ZNF654: variants seen among roughly 807,000 people sequenced by gnomAD.
ZNF654 encodes melanoma-associated antigen.
In ZNF654, 19 loss-of-function variants were observed where a neutral mutation model predicts 95.3. That is an observed-to-expected ratio of 0.20 (90% CI 0.14 to 0.29). The LOEUF is 0.29. Ranked by LOEUF, ZNF654 falls within the 10% of genes least tolerant of loss-of-function variation. The pLI, the probability that ZNF654 is intolerant of heterozygous loss-of-function variation, is 1.00. For missense variants in ZNF654, 1,046 were observed against 1,341.0 expected, an observed-to-expected ratio of 0.78 and a Z score of 3.44; for synonymous variants, 413 against 457.9, an observed-to-expected ratio of 0.90 and a Z score of 1.25.
At chr3:88,098,489 G>A (rs1704200301) in intron 2 of ZNF654, among the ~76,000 whole-genome samples, 1 of 152,142 alleles carries the variant, frequency 6.6e-6, no homozygotes, top group African/African-American at 2.4e-5. Context: ...TATGAGGCCA[G>A]CATCATCCTG....
At chr3:88,086,813 C>T (rs561772617) in intron 2 of ZNF654, among the ~76,000 whole-genome samples, 3 of 152,226 alleles carry the variant, frequency 2.0e-5, no homozygotes, top group East Asian at 1.9e-4. Flanking sequence ...GAAGGAGTCT[C>T]GCTCTGTCGC....
At position 88,120,842 on chromosome 3, in the gene ZNF654, T is replaced by C. The variant is rs529962597; in HGVS notation, c.415-5292T>C. On this transcript the variant is annotated intron_variant, in intron 3 of 8. Coordinates refer to ENST00000636215, the MANE Select transcript of ZNF654 (RefSeq NM_001350134.2). ...GATTATAGCGTATTTTTGAAAAATT[T>C]TCAAAATTACTGTATCACAGTGATA... 2.6e-5 allele frequency among the ~76,000 whole-genome samples: 4 copies of C among 152,216 alleles called. No homozygotes were observed. In the East Asian group the frequency reaches 7.7e-4, roughly 29 times the overall value.
intron 1 of ZNF654, among the ~76,000 whole-genome samples, chr3:88,085,339 T>G (rs1361192820): frequency 6.6e-6 from 1 of 152,256 alleles, no homozygotes; most frequent in Non-Finnish European, 1.5e-5. Context: ...AATACATAAA[T>G]GGATGAACCT....
chr3:88,138,608 C>T, intron 7 of ZNF654, 97 bp from the exon 8 acceptor site: 1 of 689,840 alleles, frequency 1.4e-6, no homozygotes, highest in Non-Finnish European at 2.0e-6. Context: ...TATGTTTATT[C>T]AGCTTTCATT....
chr3:88,109,383 G>T (rs898017503), intron 2 of ZNF654, among the ~76,000 whole-genome samples: 1 of 152,048 alleles, frequency 6.6e-6, no homozygotes, highest in African/African-American at 2.4e-5. Flanking sequence ...CTTAAAAGTT[G>T]AGTGTTTTAA....
intron 1 of ZNF654, among the ~76,000 whole-genome samples, chr3:88,083,686 T>C (rs1168774910): frequency 1.3e-5 from 2 of 151,460 alleles, no homozygotes; most frequent in Non-Finnish European, 2.9e-5. Flanking sequence ...TTTAAAAGTT[T>C]AGAACTGTAG....
chr3:88,117,398 C>A (rs2107784889), intron 3 of ZNF654, among the ~76,000 whole-genome samples: 1 of 152,046 alleles, frequency 6.6e-6, no homozygotes, highest in East Asian at 1.9e-4. Flanking sequence ...TAAATAATGT[C>A]TGGATTTTTT....
At chr3:88,116,303 C>T (rs1418983572) in intron 3 of ZNF654, among the ~76,000 whole-genome samples, 1 of 151,990 alleles carries the variant, frequency 6.6e-6, no homozygotes, top group Admixed American at 6.6e-5. Context: ...GGCAGATCAC[C>T]TGAGGGTGGG....
At chr3:88,089,854 A>G (rs1358654539) in intron 2 of ZNF654, among the ~76,000 whole-genome samples, 6 of 152,172 alleles carry the variant, frequency 3.9e-5, no homozygotes. Context: ...GGAAAAGGAG[A>G]ATAAGTCATG....
Position 88,139,107 on chromosome 3 carries a change from G to A in ZNF654, c.1438G>A (p.Glu480Lys). 1 of 1,266,632 alleles carries A rather than the reference G, an allele frequency of 7.9e-7. No homozygotes were observed. Among genetic ancestry groups the A allele is most frequent in the East Asian group, 3.1e-5 (1 of 32,752 alleles). The allele number at this position is 1,266,632 out of a possible 1,614,324, so 78.5% of individuals were successfully genotyped here. A position where few individuals can be genotyped will look rare whatever the true frequency, so the allele number is the denominator to read the frequency against. ...TAGATTTCTAAATGAAAGCACACTG[G>A]AAAATAATGCAGGTAATCTAAAAAG... ...AVRFLNESTL[E>K]NNAGNLKRTE... Residue 480 changes from glutamate to lysine, a missense_variant, in exon 8 of 9, where the codon GAA (glutamate) becomes AAA (lysine). Glu to Lys is a moderately conservative substitution (Grantham distance 56). Coordinates refer to ENST00000636215, the MANE Select transcript of ZNF654 (RefSeq NM_001350134.2).
chr3:88,109,404 G>T (rs1704954500), intron 2 of ZNF654, among the ~76,000 whole-genome samples: 1 of 151,852 alleles, frequency 6.6e-6, no homozygotes, highest in African/African-American at 2.4e-5. Flanking sequence ...ATAAAATGTG[G>T]GTAAGAGTTT....
At chr3:88,141,453 GTC>G (rs1707126986) in intron 8 of ZNF654, among the ~76,000 whole-genome samples, 190 bp from the exon 9 acceptor site, 2 of 151,966 alleles carry the variant, frequency 1.3e-5, no homozygotes, top group South Asian at 2.1e-4. Flanking sequence ...GTGAATCTGT[GTC>G]TCTGTTACAA....
intron 2 of ZNF654, among the ~76,000 whole-genome samples, chr3:88,089,943 A>G (rs62265548): frequency 0.16 from 24,337 of 152,168 alleles, 2,445 homozygotes; most frequent in East Asian, 0.25. Context: ...TTGCCTAGTG[A>G]AGTCATAGCT....
At chr3:88,103,762 CTTTTTT>C (rs56210218) in intron 2 of ZNF654, among the ~76,000 whole-genome samples, 1 of 83,366 alleles carries the variant, frequency 1.2e-5, no homozygotes, top group Non-Finnish European at 2.4e-5. Context: ...GATGTATTAA[CTTTTTT>C]TTTTTTTTTT....
chr3:88,110,144 C>T (rs1705001600), intron 2 of ZNF654, among the ~76,000 whole-genome samples: 1 of 151,980 alleles, frequency 6.6e-6, no homozygotes, highest in Admixed American at 6.6e-5. Flanking sequence ...AGGAATTGTG[C>T]CAAGTGCTTT....
At chr3:88,059,632 C>A (rs1177691017) in intron 1 of ZNF654, 127 bp downstream of exon 1, 8 of 1,350,556 alleles carry the variant, frequency 5.9e-6, no homozygotes. Flanking sequence ...GAGGGTGAGG[C>A]TGAAGCTCCC....
chr3:88,095,026 C>G (rs1337428662), intron 2 of ZNF654, among the ~76,000 whole-genome samples: 1 of 152,034 alleles, frequency 6.6e-6, no homozygotes, highest in Admixed American at 6.6e-5. Flanking sequence ...GTATAAGAAG[C>G]AATGAACAGA....
intron 1 of ZNF654, among the ~76,000 whole-genome samples, chr3:88,071,537 T>C (rs1350094043): frequency 1.3e-5 from 2 of 152,170 alleles, no homozygotes; most frequent in African/African-American, 2.4e-5. Flanking sequence ...TCCCAGCTAC[T>C]TGGCAGGAGA....
intron 1 of ZNF654, among the ~76,000 whole-genome samples, chr3:88,061,250 A>AT (rs1383080697): frequency 6.6e-6 from 1 of 152,116 alleles, no homozygotes; most frequent in Non-Finnish European, 1.5e-5. Context: ...TTTGCTTTTT[A>AT]TATCAACAAC....
Sources: allele counts gnomAD v4.1 joint callset (sites outside exome capture counted in the v4.1 genomes callset), GRCh38; gene constraint gnomAD v4.1.1; transcripts MANE v1.5; gene names NCBI Gene and HGNC (gene_info 2026-07-23, HGNC 2026-07-21).